APBA2: variants seen among roughly 807,000 people sequenced by gnomAD.
APBA2 encodes the protein amyloid beta precursor protein binding family A member 2.
In APBA2, 30 loss-of-function variants were observed where a neutral mutation model predicts 75.0. That is an observed-to-expected ratio of 0.40 (90% CI 0.30 to 0.54). The LOEUF (loss-of-function observed/expected upper bound fraction) is 0.54, where lower values mean the gene tolerates loss of function less well. Among genes scored for constraint, APBA2 ranks in the 20% least tolerant of loss-of-function variants. APBA2 has a pLI of 0.49. For synonymous variants in APBA2, 444 were observed against 409.6 expected (o/e 1.08, Z -1.01); for missense variants, 801 against 1,016.1 (o/e 0.79, Z 2.88).
intron 2 of APBA2, among the ~76,000 whole-genome samples, chr15:28,932,864 G>T (rs1215099685): frequency 6.6e-6 from 1 of 152,164 alleles, no homozygotes; most frequent in East Asian, 1.9e-4. Context: ...GCCTTATGGA[G>T]GTGTCTTAAT....
intron 10 of APBA2, among the ~76,000 whole-genome samples, chr15:29,102,980 A>G (rs1038967763): frequency 3.7e-4 from 50 of 136,418 alleles, no homozygotes; most frequent in African/African-American, 4.5e-4. Flanking sequence ...CTTCGGCGCA[A>G]TGGCAGATTT....
chr15:29,032,393 G>A lies in APBA2; in HGVS notation c.-40-21452G>A, dbSNP rs542158303. ...CTGAGGTTCCCCGAAGGGGAAGGTC[G>A]GCCCCCAGACCCCCTTGTGACTCAA... On this transcript the variant is annotated intron_variant, in intron 3 of 14. Transcript: ENST00000683413. Among the ~76,000 whole-genome samples the A allele has an allele frequency of 9.7e-4, 148 of 152,322 alleles. No individual in the cohort carries two copies. In the Middle Eastern group the frequency reaches 0.01, roughly 11 times the overall value.
intron 1 of APBA2, among the ~76,000 whole-genome samples, chr15:28,906,011 T>G (rs1332718843): frequency 6.6e-6 from 1 of 151,750 alleles, no homozygotes; most frequent in Non-Finnish European, 1.5e-5. Context: ...TGGTGGAGAC[T>G]CCTCCCATTT....
chr15:29,101,738 G>A lies in APBA2; in HGVS notation c.1478G>A (p.Gly493Asp). Reference sequence around the variant, plus strand: ...GAGACCACGCCCGGGGCCCAGGAAGGCAAGAAGCAGTATAAGATGATCTGC... The same window carrying A: ...GAGACCACGCCCGGGGCCCAGGAAGACAAGAAGCAGTATAAGATGATCTGC... ...CIETTPGAQE[G>D]KKQYKMICHV... The change falls in exon 10 of 15, where the codon GGC (glycine) becomes GAC (aspartate). Residue 493 changes from glycine to aspartate, a missense_variant. Gly to Asp is a moderately conservative substitution (Grantham distance 94, BLOSUM62 -1). This residue lies in a region of APBA2 where 367 missense variants were observed against 544.5 expected (regional missense o/e 0.67). Transcript: ENST00000683413. 1.2e-6 allele frequency: 2 copies of A among 1,613,702 alleles called. No individual in the cohort carries two copies. The highest frequency in any genetic ancestry group is 1.7e-6 in the Non-Finnish European group (2 of 1,180,036).
chr15:29,108,423 C>T (rs772803534), intron 13 of APBA2, 34 bp downstream of exon 13: 1 of 1,613,728 alleles, frequency 6.2e-7, no homozygotes, highest in East Asian at 2.2e-5. Context: ...GCCACCACCA[C>T]CACTGCAGGG....
At chr15:29,080,294 A>G (rs1161564907) in intron 6 of APBA2, among the ~76,000 whole-genome samples, 5 of 152,194 alleles carry the variant, frequency 3.3e-5, no homozygotes, top group Admixed American at 3.3e-4. Context: ...ACCAGTCTGG[A>G]ATCTGAGCTC....
intron 2 of APBA2, among the ~76,000 whole-genome samples, chr15:28,972,852 T>C (rs1342309997): frequency 3.3e-5 from 5 of 152,228 alleles, no homozygotes; most frequent in Non-Finnish European, 5.9e-5. Context: ...TTTTAAACAA[T>C]GTCAGCCAAA....
In APBA2 at chr15:29,117,059, C is replaced by T. The variant is rs533016813; in HGVS notation, c.2179-3C>T. 3 of 1,613,154 alleles carry T rather than the reference C, an allele frequency of 1.9e-6. No homozygotes were observed. The African/African-American group carries it at 4.0e-5, about 21-fold the overall frequency. ...CGGCTCAGCCTCCTGTTTCTGTCCG[C>T]AGATCCACATGAAGACCATGCCCGC... On this transcript the variant is annotated splice_polypyrimidine_tract_variant and splice_region_variant and intron_variant, in intron 14 of 14. Coordinates refer to ENST00000683413, the MANE Select transcript of APBA2 (RefSeq NM_001353788.2).
chr15:29,088,709 T>C (rs1386574180), intron 6 of APBA2, among the ~76,000 whole-genome samples: 1 of 152,162 alleles, frequency 6.6e-6, no homozygotes, highest in South Asian at 2.1e-4. Flanking sequence ...AGTTCATTTC[T>C]AATGAAGGAG....
At chr15:28,941,304 A>C (rs1173438387) in intron 2 of APBA2, among the ~76,000 whole-genome samples, 1 of 152,036 alleles carries the variant, frequency 6.6e-6, no homozygotes, top group East Asian at 1.9e-4. Context: ...GGAAGGGAGG[A>C]AGAGCCACAC....
chr15:28,901,859 A>C (rs2032874537), intron 1 of APBA2, among the ~76,000 whole-genome samples: 1 of 146,924 alleles, frequency 6.8e-6, no homozygotes, highest in Non-Finnish European at 1.5e-5. Context: ...TCTGGCACAC[A>C]CACAAACCAG....
chr15:28,992,948 C>A (rs1810240828), intron 2 of APBA2, among the ~76,000 whole-genome samples: 1 of 152,224 alleles, frequency 6.6e-6, no homozygotes, highest in South Asian at 2.1e-4. Context: ...GAGAAAAGAG[C>A]AGGTCCCAGC....
chr15:28,905,009 A>G (rs1281072903), intron 1 of APBA2, among the ~76,000 whole-genome samples: 1 of 152,094 alleles, frequency 6.6e-6, no homozygotes, highest in Non-Finnish European at 1.5e-5. Context: ...TTTCTTTTGA[A>G]CATGTCTTAT....
chr15:28,990,939 A>G (rs570282529), intron 2 of APBA2: 2 of 152,314 alleles, frequency 1.3e-5, no homozygotes, highest in East Asian at 1.9e-4. Context: ...TGAAGACTTA[A>G]CTTTTAATCC....
rs558473905 is a variant in APBA2 at position 28,922,797 on chromosome 15, A to G, written c.-95+1048A>G. Among the ~76,000 whole-genome samples the G allele has an allele frequency of 5.3e-5, 8 of 152,248 alleles. No individual in the cohort carries two copies. The East Asian group carries it at 1.2e-3, about 22-fold the overall frequency. ...TCCTGTTCCTGCCTCTCAACCCAGA[A>G]CACTGCAGGTCCTTCAGGTATTCGG... On this transcript the variant is annotated intron_variant, in intron 2 of 14. Coordinates refer to ENST00000683413, the MANE Select transcript of APBA2 (RefSeq NM_001353788.2).
intron 3 of APBA2, among the ~76,000 whole-genome samples, chr15:29,026,835 G>C (rs2040246809): frequency 6.6e-6 from 1 of 152,260 alleles, no homozygotes; most frequent in Admixed American, 6.5e-5. Flanking sequence ...GCAGGAGAAT[G>C]GTGTGAAGCC....
chr15:29,082,476 A>G (rs1055051185), intron 6 of APBA2, among the ~76,000 whole-genome samples: 3 of 152,202 alleles, frequency 2.0e-5, no homozygotes, highest in Non-Finnish European at 4.4e-5. Flanking sequence ...AAAGGTTTGT[A>G]CCATTTGACC....
chr15:29,109,463 A>T (rs934981939), intron 13 of APBA2, among the ~76,000 whole-genome samples: 24 of 152,334 alleles, frequency 1.6e-4, no homozygotes, highest in African/African-American at 5.8e-4. Context: ...GCTTCACTCC[A>T]CAAAGCCACT....
rs2042782993 is a variant in APBA2, at chr15:29,074,931, G to A, written c.962G>A (p.Gly321Asp). ...CTTCCCCGTTTCCAGGTTTGCAATG[G>A]TCTGGAGCAGCCAAGGAAGCAGCAG... is the stretch of plus-strand genomic sequence containing the variant. ...LKWPHEQVCN[G>D]LEQPRKQQRS... The change falls in exon 5 of 15, where the codon GGT (glycine) becomes GAT (aspartate). Residue 321 changes from glycine to aspartate, a missense_variant. Transcript: ENST00000683413. 2 of 1,614,052 alleles carry A rather than the reference G, an allele frequency of 1.2e-6. No homozygotes were observed. The highest frequency in any genetic ancestry group is 1.7e-6 in the Non-Finnish European group (2 of 1,179,982).
Sources: gnomAD v4.1 joint callset for allele counts (sites outside exome capture counted in the v4.1 genomes callset) on GRCh38, gnomAD v4.1.1 for gene constraint, gnomAD v4.1.1 regional missense constraint, MANE v1.5 for transcripts, NCBI Gene and HGNC (gene_info 2026-07-23, HGNC 2026-07-21) for gene names.